Variants in IQANK1 observed in about 807,000 individuals in gnomAD.
IQANK1 encodes IQ motif and ankyrin repeat domain-containing protein 1.
In IQANK1, 30 loss-of-function variants were observed where a neutral mutation model predicts 22.6. The ratio of observed to expected loss-of-function variants is 1.33; its 90% CI spans 0.99 to 1.80. The LOEUF is 1.80. Among genes scored for constraint, IQANK1 ranks in the 40% most tolerant of loss-of-function variants. The pLI, the probability that IQANK1 is intolerant of heterozygous loss-of-function variation, is 0.00. For missense variants in IQANK1, 275 were observed against 235.2 expected (o/e 1.17, Z -1.11); for synonymous variants, 122 against 99.6 (o/e 1.23, Z -1.34).
At chr8:143,742,944 C>G (rs1193431839) in intron 3 of IQANK1, 3 of 456,118 alleles carry the variant, frequency 6.6e-6, no homozygotes, top group South Asian at 3.1e-5. Flanking sequence ...CCTACAGTGT[C>G]CCGGCACAGC....
chr8:143,782,703 C>G (rs1554631065), intron 7 of IQANK1, among the ~76,000 whole-genome samples: 1 of 152,226 alleles, frequency 6.6e-6, no homozygotes, highest in African/African-American at 2.4e-5. Context: ...TCTCAAACTC[C>G]TGACCTCAGG....
chr8:143,769,193 G>T (rs1255426398), intron 3 of IQANK1, among the ~76,000 whole-genome samples: 1 of 151,856 alleles, frequency 6.6e-6, no homozygotes, highest in African/African-American at 2.4e-5. Flanking sequence ...CTGAGTAACC[G>T]GGACTACAGA....
At chr8:143,743,563 G>A (rs782404213) in intron 3 of IQANK1, among the ~76,000 whole-genome samples, 20 of 152,226 alleles carry the variant, frequency 1.3e-4, no homozygotes, top group South Asian at 4.1e-4. Flanking sequence ...TTAGACATGC[G>A]TCCCCTCCTC....
chr8:143,748,734 A>AT (rs1819096205), intron 3 of IQANK1, among the ~76,000 whole-genome samples: 1 of 99,518 alleles, frequency 1.0e-5, no homozygotes, highest in African/African-American at 7.3e-5. Flanking sequence ...TATCATATAT[A>AT]AATATATAAA....
intron 3 of IQANK1, among the ~76,000 whole-genome samples, chr8:143,752,902 C>G (rs185540279): frequency 6.6e-6 from 1 of 151,212 alleles, no homozygotes; most frequent in Admixed American, 6.6e-5. Context: ...ACTGTATTCT[C>G]TCTGCCCCTT....
rs532138949 is a variant in IQANK1, at chr8:143,780,044, T to A, written c.789+7562T>A. Among the ~76,000 whole-genome samples, 6 of 152,302 alleles carry A rather than the reference T, an allele frequency of 3.9e-5. No individual in the cohort carries two copies. The South Asian group carries it at 1.2e-3, about 32-fold the overall frequency. On this transcript the variant is annotated intron_variant, in intron 7 of 13. Coordinates refer to ENST00000527139, the MANE Select transcript of IQANK1 (RefSeq NM_001381874.1). ...CAGAATATTGCAGAAATCAAAGTTG[T>A]GGCTCAATTATTTACCACAAAGGAA...
intron 2 of IQANK1, among the ~76,000 whole-genome samples, chr8:143,737,758 C>T (rs1222289890): frequency 1.3e-5 from 2 of 152,316 alleles, no homozygotes; most frequent in East Asian, 1.9e-4. Flanking sequence ...GTAGCTGCTG[C>T]AGCCACAGCT....
At chr8:143,752,424 C>G (rs979515376) in intron 3 of IQANK1, among the ~76,000 whole-genome samples, 1 of 152,160 alleles carries the variant, frequency 6.6e-6, no homozygotes, top group East Asian at 1.9e-4. Context: ...AAAAGTTAGA[C>G]TATAATGTGT....
In IQANK1 at chr8:143,790,568, T is replaced by G; in HGVS notation, c.1643T>G (p.Leu548Arg). The change falls in exon 14 of 14, where the codon CTG (leucine) becomes CGG (arginine). Residue 548 changes from leucine to arginine, a missense_variant. Coordinates refer to ENST00000527139, the MANE Select transcript of IQANK1 (RefSeq NM_001381874.1). Reference protein sequence around the residue: ...QWPPAEQLQVLLPVRVQLPGT... With the variant: ...QWPPAEQLQVRLPVRVQLPGT... ...CCGCCAGCTGAGCAGCTGCAGGTGC[T>G]GCTCCCAGTGCGCGTGCAGCTGCCA... 2.5e-6 allele frequency: 1 copy of G among 399,052 alleles called. No homozygotes were observed. The allele number at this position is 399,052 out of a possible 1,614,324, so 24.7% of individuals were successfully genotyped here.
chr8:143,750,734 A>G (rs915001332), intron 3 of IQANK1, among the ~76,000 whole-genome samples: 1 of 152,144 alleles, frequency 6.6e-6, no homozygotes, highest in African/African-American at 2.4e-5. Context: ...GGATCACTTG[A>G]ACCCAGGAGT....
chr8:143,734,622 C>T (rs1818673821), intron 1 of IQANK1, among the ~76,000 whole-genome samples: 1 of 151,994 alleles, frequency 6.6e-6, no homozygotes, highest in East Asian at 1.9e-4. Flanking sequence ...CGCTGACATC[C>T]GCACACCTAG....
chr8:143,786,934 G>A (rs1052954258), intron 7 of IQANK1, among the ~76,000 whole-genome samples: 1 of 152,186 alleles, frequency 6.6e-6, no homozygotes, highest in Admixed American at 6.5e-5. Flanking sequence ...TGGAGGATTT[G>A]GGGGCTGATC....
intron 2 of IQANK1, among the ~76,000 whole-genome samples, chr8:143,737,205 C>CG (rs572019750): frequency 6.6e-4 from 101 of 152,332 alleles, no homozygotes; most frequent in African/African-American, 2.4e-3. Context: ...CTCCAATAAA[C>CG]GGGGGGCAGG....
chr8:143,742,255 G>T (rs782353146), intron 3 of IQANK1: 38 of 406,620 alleles, frequency 9.3e-5, no homozygotes, highest in Non-Finnish European at 4.0e-5. Context: ...GATACACAGC[G>T]CTCAAGTGAC....
Position 143,771,996 on chromosome 8 carries a change from G to GGGGGTGGGGTGGGAGTGGGA in IQANK1, c.471+34_472-34dup, listed in dbSNP as rs1819584540. 1.4e-5 allele frequency: 2 copies of GGGGGTGGGGTGGGAGTGGGA among 148,076 alleles called. No homozygotes were observed. The highest frequency in any genetic ancestry group is 2.9e-5 in the Non-Finnish European group (2 of 68,496). 9.2% of individuals were successfully genotyped at this position (148,076 alleles called of 1,614,324 possible). ...CGGGGGCGGGAGGAGGACGAGGGCG[G>GGGGGTGGGGTGGGAGTGGGA]GGGGTGGGGTGGGAGTGGGAGGAGC... On this transcript the variant is annotated intron_variant, in intron 5 of 13. Transcript: ENST00000527139. The surrounding 1 kb of genome is among the most constrained non-coding windows in gnomAD (Gnocchi z 6.0).
In IQANK1 at chr8:143,771,350, G is replaced by A; in HGVS notation, c.176-138G>A. The A allele has an allele frequency of 2.6e-6, 1 of 383,964 alleles. No individual in the cohort carries two copies. Among genetic ancestry groups the A allele is most frequent in the Non-Finnish European group, 4.6e-6 (1 of 218,956 alleles). 23.8% of individuals were successfully genotyped at this position (383,964 alleles called of 1,614,324 possible). A position where few individuals can be genotyped will look rare whatever the true frequency, so the allele number is the denominator to read the frequency against. On this transcript the variant is annotated intron_variant, in intron 3 of 13. Transcript: ENST00000527139. The surrounding 1 kb of genome is among the most constrained non-coding windows in gnomAD (Gnocchi z 6.0). ...CTCTGCGGGCGGGAACCCCGGCTCG[G>A]CCGCGCTGGGGGCTTTGAGAGCCGT...
intron 3 of IQANK1, chr8:143,743,735 A>G (rs1554626928): frequency 1.5e-5 from 5 of 327,610 alleles, no homozygotes; most frequent in South Asian, 4.5e-5. Flanking sequence ...TATTTAAAAA[A>G]TGATTTTGTT....
chr8:143,787,029 A>T (rs1278149832), intron 7 of IQANK1, among the ~76,000 whole-genome samples: 1 of 152,124 alleles, frequency 6.6e-6, no homozygotes, highest in Non-Finnish European at 1.5e-5. Flanking sequence ...GGAGGGCTTG[A>T]CGCCTAGGGG....
intron 3 of IQANK1, among the ~76,000 whole-genome samples, chr8:143,764,451 C>CA (rs33978948): frequency 0.69 from 88,742 of 129,394 alleles, 30,194 homozygotes; most frequent in Non-Finnish European, 0.77. Flanking sequence ...TCCGTCGCTA[C>CA]AAAAAAAAAA....
Sources: allele counts gnomAD v4.1 joint callset (sites outside exome capture counted in the v4.1 genomes callset), GRCh38; gene constraint gnomAD v4.1.1; non-coding constraint Gnocchi (gnomAD v3.1); transcripts MANE v1.5; gene names NCBI Gene and HGNC (gene_info 2026-07-23, HGNC 2026-07-21).